The following CYREN variants were observed in gnomAD, a reference collection of about 807,000 sequenced individuals.
CYREN encodes the protein cell cycle regulator of non-homologous end joining.
A neutral mutation model predicts 9.7 loss-of-function variants in CYREN; 7 were observed. The ratio of observed to expected loss-of-function variants is 0.72; its 90% CI spans 0.41 to 1.36. The LOEUF (loss-of-function observed/expected upper bound fraction) is 1.36. Among genes scored for constraint, CYREN ranks in the 40% most tolerant of loss-of-function variants. The pLI is 0.01. For synonymous variants in CYREN, 76 were observed against 77.9 expected (o/e 0.98, Z 0.13); for missense variants, 215 against 198.1 (o/e 1.09, Z -0.51).
intron 1 of CYREN, chr7:135,170,356 G>T (rs1427057589): frequency 2.6e-5 from 4 of 152,346 alleles, no homozygotes; most frequent in Non-Finnish European, 5.9e-5. Flanking sequence ...TTCACAGCCC[G>T]CCCTCCCTCT....
intron 2 of CYREN, among the ~76,000 whole-genome samples, chr7:135,097,597 A>G (rs1243358804): frequency 6.6e-6 from 1 of 152,146 alleles, no homozygotes; most frequent in Non-Finnish European, 1.5e-5. Flanking sequence ...AATGTCTTCC[A>G]TATGTTGTAC....
rs914938119 is a variant in CYREN at position 135,123,998 on chromosome 7, T to G, written n.357-29416A>C. 3.3e-5 allele frequency among the ~76,000 whole-genome samples: 5 copies of G among 152,014 alleles called. No individual in the cohort carries two copies. In the East Asian group the frequency reaches 9.6e-4, roughly 29 times the overall value. On this transcript the variant is annotated intron_variant and non_coding_transcript_variant, in intron 2 of 2. Coordinates refer to the CYREN transcript ENST00000459937. ...AAACTGCATCAATTAGTGCACAAAATAACCAAATAGCATCATGATGACAGG... is the reference window on the plus strand; with the variant it reads ...AAACTGCATCAATTAGTGCACAAAAGAACCAAATAGCATCATGATGACAGG...
At chr7:135,143,393 G>C (rs1002194718) in intron 2 of CYREN, among the ~76,000 whole-genome samples, 9 of 152,104 alleles carry the variant, frequency 5.9e-5, no homozygotes, top group African/African-American at 2.2e-4. Context: ...AATGGTGCTG[G>C]AACAACTGGA....
At chr7:135,128,799 C>A in intron 2 of CYREN, 1 of 1,198,226 alleles carries the variant, frequency 8.3e-7, no homozygotes, top group Non-Finnish European at 1.2e-6. Flanking sequence ...CTGATACAGA[C>A]CAAGAGGAAA....
chr7:135,166,956 A>G (rs1007630607), intron 3 of CYREN, 85 bp from the exon 4 acceptor site: 143 of 1,546,344 alleles, frequency 9.2e-5, no homozygotes, highest in Non-Finnish European at 1.2e-4. Context: ...GGATGTATCT[A>G]GAAGCAACTA....
At chr7:135,150,468 T>C (rs1829641364) in intron 2 of CYREN, among the ~76,000 whole-genome samples, 1 of 152,182 alleles carries the variant, frequency 6.6e-6, no homozygotes, top group Middle Eastern at 3.2e-3. Context: ...TGGCACTGAT[T>C]CCCCAGGGCC....
intron 2 of CYREN, among the ~76,000 whole-genome samples, chr7:135,103,475 T>C (rs577871712): frequency 6.6e-6 from 1 of 152,224 alleles, no homozygotes; most frequent in African/African-American, 2.4e-5. Context: ...TTTCTTAATA[T>C]GCATGCTTTT....
intron 2 of CYREN, among the ~76,000 whole-genome samples, chr7:135,126,004 C>T (rs1375244561): frequency 6.6e-6 from 1 of 152,178 alleles, no homozygotes; most frequent in African/African-American, 2.4e-5. Context: ...TGCCCTCTCT[C>T]ACCACCCCTG....
At chr7:135,094,394 C>A in exon 3 of CYREN, 1 of 456,656 alleles carries the variant, frequency 2.2e-6, no homozygotes, top group Non-Finnish European at 4.4e-6. Flanking sequence ...GCAGAAGCTG[C>A]TAGAATCATA....
upstream of CYREN, among the ~76,000 whole-genome samples, chr7:135,172,275 G>A (rs527525803): frequency 1.1e-3 from 160 of 152,330 alleles, 6 homozygotes; most frequent in Admixed American, 0.01. Context: ...GCCTGCATGG[G>A]CACTCTTGTT....
At chr7:135,140,655 G>T (rs745961562) in intron 2 of CYREN, among the ~76,000 whole-genome samples, 41 of 152,088 alleles carry the variant, frequency 2.7e-4, no homozygotes, top group Non-Finnish European at 4.4e-5. Flanking sequence ...CAAAGGGAAT[G>T]CTTCCAGCTT....
chr7:135,144,186 T>C (rs2117403334), intron 2 of CYREN, among the ~76,000 whole-genome samples: 1 of 152,254 alleles, frequency 6.6e-6, no homozygotes, highest in East Asian at 1.9e-4. Context: ...TCCAGCTACT[T>C]CATAGTGTGG....
intron 2 of CYREN, among the ~76,000 whole-genome samples, chr7:135,100,452 G>T (rs1053634443): frequency 6.6e-6 from 1 of 152,132 alleles, no homozygotes; most frequent in Non-Finnish European, 1.5e-5. Flanking sequence ...ATAAACAACT[G>T]TCTGGATGGT....
At chr7:135,107,547 A>T (rs185041824) in intron 2 of CYREN, among the ~76,000 whole-genome samples, 21 of 152,068 alleles carry the variant, frequency 1.4e-4, no homozygotes, top group African/African-American at 4.8e-4. Context: ...TTAAATCTTG[A>T]TTTCTATTTT....
At chr7:135,098,649 A>C (rs1234683912) in intron 2 of CYREN, among the ~76,000 whole-genome samples, 1 of 152,194 alleles carries the variant, frequency 6.6e-6, no homozygotes, top group Non-Finnish European at 1.5e-5. Context: ...CAGATCTGAA[A>C]GTCAAAGGGA....
At position 135,135,164 on chromosome 7, in the gene CYREN, A is replaced by C. The variant is rs1295556026; in HGVS notation, n.356+33585T>G. On this transcript the variant is annotated intron_variant and non_coding_transcript_variant, in intron 2 of 2. Coordinates refer to the CYREN transcript ENST00000459937. ...GAAGAAACTAACCAGCAAAGCTCTA[A>C]GCATACAGCCCTCCATCTAACTAAA... is the stretch of plus-strand genomic sequence containing the variant. 1.9e-6 allele frequency: 3 copies of C among 1,551,002 alleles called. No homozygotes were observed. In the African/African-American group the frequency reaches 4.1e-5, roughly 21 times the overall value.
At chr7:135,109,898 C>T (rs1358544831) in intron 2 of CYREN, among the ~76,000 whole-genome samples, 1 of 152,162 alleles carries the variant, frequency 6.6e-6, no homozygotes, top group Non-Finnish European at 1.5e-5. Flanking sequence ...AAGCTCTATA[C>T]CAGGGAGGCT....
chr7:135,121,077 T>C (rs1397224590), intron 2 of CYREN, among the ~76,000 whole-genome samples: 1 of 152,064 alleles, frequency 6.6e-6, no homozygotes, highest in Admixed American at 6.6e-5. Flanking sequence ...TGGTGTCTCA[T>C]ACCTGTAATC....
At chr7:135,145,412 A>G (rs1474600695) in intron 2 of CYREN, among the ~76,000 whole-genome samples, 2 of 152,184 alleles carry the variant, frequency 1.3e-5, no homozygotes, top group African/African-American at 4.8e-5. Flanking sequence ...AGGAGATCCA[A>G]CCTAGGACAG....
Sources: gnomAD v4.1 joint callset for allele counts (sites outside exome capture counted in the v4.1 genomes callset) on GRCh38, gnomAD v4.1.1 for gene constraint, MANE v1.5 for transcripts, NCBI Gene and HGNC (gene_info 2026-07-23, HGNC 2026-07-21) for gene names.